Variants in LYST observed in about 807,000 individuals in gnomAD.
The protein encoded by LYST is lysosomal-trafficking regulator.
In LYST, 192 loss-of-function variants were observed where a neutral mutation model predicts 413.6. The observed-to-expected ratio is 0.46, with a 90% CI of 0.41 to 0.52. LYST has a LOEUF of 0.52. Among genes scored for constraint, LYST ranks in the 20% least tolerant of loss-of-function variants. The pLI is 0.00. For missense variants in LYST, 3,815 were observed against 4,499.9 expected (o/e 0.85, Z 4.35); for synonymous variants, 1,525 against 1,567.3 (o/e 0.97, Z 0.64).
At chr1:235,831,573 G>C (rs1675984182) in intron 2 of LYST, among the ~76,000 whole-genome samples, 1 of 152,154 alleles carries the variant, frequency 6.6e-6, no homozygotes, top group East Asian at 1.9e-4. Flanking sequence ...GGAAGTACCA[G>C]AGAAATTCCT....
intron 44 of LYST, among the ~76,000 whole-genome samples, chr1:235,707,878 G>T (rs989732568): frequency 3.9e-5 from 6 of 151,954 alleles, no homozygotes; most frequent in Admixed American, 1.3e-4. Flanking sequence ...TTTTTTGGGG[G>T]GGGATTTTGG....
At chr1:235,725,000 G>A (rs1206521456) in intron 38 of LYST, among the ~76,000 whole-genome samples, 1 of 152,190 alleles carries the variant, frequency 6.6e-6, no homozygotes, top group Non-Finnish European at 1.5e-5. Flanking sequence ...ATTGACGTAG[G>A]TTCACAGCAA....
intron 16 of LYST, 41 bp from the exon 17 acceptor site, chr1:235,777,349 T>A: frequency 6.3e-7 from 1 of 1,577,442 alleles, no homozygotes; most frequent in Non-Finnish European, 8.7e-7. Flanking sequence ...ACAACAAGTT[T>A]AAAATGCAAG....
chr1:235,757,597 A>G, intron 23 of LYST, 139 bp from the exon 24 acceptor site: 1 of 704,392 alleles, frequency 1.4e-6, no homozygotes, highest in Non-Finnish European at 2.5e-6. Context: ...TTCCTAATTT[A>G]ACTGTGATTA....
Position 235,662,868 on chromosome 1 carries a change from C to A in LYST, c.*72G>T, listed in dbSNP as rs942223956. ...TCATCCATTTCTTTAGGTTCAACCT[C>A]CTAAAACTGGTGAAGTCAACAAATC... On this transcript the variant is annotated 3_prime_UTR_variant, in exon 53 of 53. Transcript: ENST00000389793. The A allele has an allele frequency of 2.3e-6, 2 of 867,748 alleles. No individual in the cohort carries two copies. Among genetic ancestry groups the A allele is most frequent in the Non-Finnish European group, 4.0e-6 (2 of 498,552 alleles). The allele number at this position is 867,748 out of a possible 1,614,324, so 53.8% of individuals were successfully genotyped here. A position where few individuals can be genotyped will look rare whatever the true frequency, so the allele number is the denominator to read the frequency against.
rs975313239 is a variant in LYST, at chr1:235,686,595, T to C, written c.10800+354A>G. Among the ~76,000 whole-genome samples the C allele has an allele frequency of 1.3e-5, 2 of 152,216 alleles. No individual in the cohort carries two copies. The highest frequency in any genetic ancestry group is 4.8e-5 in the African/African-American group (2 of 41,452). On this transcript the variant is annotated intron_variant, in intron 48 of 52. Transcript: ENST00000389793. The surrounding 1 kb of genome is among the most constrained non-coding windows in gnomAD (Gnocchi z 4.0). ...AGTTTACCCAGAGGTTATCGGAATGTTGGACATTAGGGTTTCTAAGCTTTC... is the reference window on the plus strand; with the variant it reads ...AGTTTACCCAGAGGTTATCGGAATGCTGGACATTAGGGTTTCTAAGCTTTC...
chr1:235,861,705 G>A (rs1392698882), intron 1 of LYST, among the ~76,000 whole-genome samples: 1 of 152,112 alleles, frequency 6.6e-6, no homozygotes, highest in African/African-American at 2.4e-5. Context: ...GTGTTGCCCA[G>A]GCTGGACTCG....
chr1:235,665,086 A>C (rs1658319926), intron 50 of LYST, among the ~76,000 whole-genome samples: 1 of 152,072 alleles, frequency 6.6e-6, no homozygotes, highest in Non-Finnish European at 1.5e-5. Flanking sequence ...GAGCCACTGC[A>C]CCAGGCCAAG....
chr1:235,820,324 C>T (rs1330264766), intron 3 of LYST, among the ~76,000 whole-genome samples: 2 of 152,044 alleles, frequency 1.3e-5, no homozygotes, highest in Non-Finnish European at 1.5e-5. Context: ...GGAACTTGGA[C>T]TCTATCCAGA....
At chr1:235,750,944 G>C (rs1369032486) in intron 28 of LYST, among the ~76,000 whole-genome samples, 1 of 152,048 alleles carries the variant, frequency 6.6e-6, no homozygotes, top group Non-Finnish European at 1.5e-5. Context: ...TACAATCTCT[G>C]CAGGGGCAGA....
In LYST at chr1:235,803,963, T is replaced by G. The variant is rs568559530; in HGVS notation, c.3555+541A>C. 2.0e-5 allele frequency among the ~76,000 whole-genome samples: 3 copies of G among 152,276 alleles called. No individual in the cohort carries two copies. The South Asian group carries it at 6.2e-4, about 32-fold the overall frequency. On this transcript the variant is annotated intron_variant, in intron 7 of 52. Coordinates refer to ENST00000389793, the MANE Select transcript of LYST (RefSeq NM_000081.4). The stretch of plus-strand genomic sequence containing the variant: ...AAATGAGAGGGAAACAAGCCAATTA[T>G]GTACCACATAATTTTAGGAAAGAAA...
At chr1:235,738,455 C>T (rs1263542821) in intron 31 of LYST, 5 of 1,612,212 alleles carry the variant, frequency 3.1e-6, no homozygotes, top group Non-Finnish European at 3.4e-6. Flanking sequence ...AAGATAATGG[C>T]TTTCCCAAAA....
rs77442892 is a variant in LYST at position 235,844,671 on chromosome 1, A to G, written c.-97-11004T>C. Among the ~76,000 whole-genome samples the G allele has an allele frequency of 2.2e-3, 333 of 152,126 alleles. 1 individual carries two copies. The highest frequency in any genetic ancestry group is 7.6e-3 in the African/African-American group (315 of 41,466). On this transcript the variant is annotated intron_variant, in intron 1 of 52. Transcript: ENST00000389793. ...TGGATTGTAATACATACACCTGGAA[A>G]CAAGATTTTTAAACCTCTCTCTACA...
intron 1 of LYST, among the ~76,000 whole-genome samples, chr1:235,842,481 G>A (rs766799151): frequency 5.9e-5 from 9 of 152,184 alleles, no homozygotes; most frequent in Non-Finnish European, 1.0e-4. Context: ...ATCATTGTAA[G>A]TTCTTAAAAT....
Position 235,806,265 on chromosome 1 carries a change from C to T in LYST, c.2871G>A (p.Met957Ile). The T allele has an allele frequency of 6.2e-7, 1 of 1,613,914 alleles. No homozygotes were observed. The highest frequency in any genetic ancestry group is 2.2e-5 in the East Asian group (1 of 44,852). Residue 957 changes from methionine to isoleucine, a missense_variant, in exon 6 of 53, where the codon ATG becomes ATA. Transcript: ENST00000389793. The stretch of plus-strand genomic sequence containing the variant: ...TAGACCAAATGTCTGCTGCTTGGTG[C>T]ATATGTTCAGGAGAAGGCAAGACAA... ...ESLVLPSPEH[M>I]HQAADIWSMC...
At chr1:235,760,273 G>A (rs1460103931) in intron 22 of LYST, among the ~76,000 whole-genome samples, 1 of 152,160 alleles carries the variant, frequency 6.6e-6, no homozygotes, top group African/African-American at 2.4e-5. Context: ...TGGCTTTAAA[G>A]ATTGAGATTA....
At chr1:235,668,316 TAGG>T (rs1658667700) in intron 50 of LYST, among the ~76,000 whole-genome samples, 1 of 152,136 alleles carries the variant, frequency 6.6e-6, no homozygotes, top group Non-Finnish European at 1.5e-5. Flanking sequence ...TACAAGAAAA[TAGG>T]AGGATGAACT....
intron 44 of LYST, among the ~76,000 whole-genome samples, chr1:235,706,430 C>T (rs1244295492): frequency 6.6e-6 from 1 of 152,156 alleles, no homozygotes; most frequent in Non-Finnish European, 1.5e-5. Context: ...CTCCTTTGTC[C>T]TATCATTTTT....
chr1:235,797,706 T>C (rs781058063), intron 10 of LYST, among the ~76,000 whole-genome samples: 3 of 152,270 alleles, frequency 2.0e-5, no homozygotes, highest in East Asian at 1.9e-4. Flanking sequence ...TTCCATAATA[T>C]TGGATTTGTC....
Sources: allele counts gnomAD v4.1 joint callset (sites outside exome capture counted in the v4.1 genomes callset), GRCh38; gene constraint gnomAD v4.1.1; non-coding constraint Gnocchi (gnomAD v3.1); transcripts MANE v1.5; gene names NCBI Gene and HGNC (gene_info 2026-07-23, HGNC 2026-07-21).